The following SPP2 variants were observed in gnomAD, a reference collection of about 807,000 sequenced individuals.
SPP2 encodes the protein secreted phosphoprotein 24.
A neutral mutation model predicts 28.8 loss-of-function variants in SPP2; 34 were observed. The ratio of observed to expected loss-of-function variants is 1.18; its 90% CI spans 0.90 to 1.57. The LOEUF is 1.57. SPP2 is among the 40% of genes most tolerant of loss of function. The pLI, the probability that SPP2 is intolerant of heterozygous loss-of-function variation, is 0.00. For synonymous variants in SPP2, 96 were observed against 89.4 expected (o/e 1.07, Z -0.42); for missense variants, 269 against 263.9 (o/e 1.02, Z -0.13).
intron 2 of SPP2, chr2:234,056,108 A>G (rs1472607623): frequency 6.6e-6 from 1 of 152,208 alleles, no homozygotes; most frequent in Non-Finnish European, 1.5e-5. Context: ...GGCAAAATAA[A>G]CTACCATCAG....
chr2:234,067,091 G>A lies in SPP2; in HGVS notation c.500-133G>A, dbSNP rs79130736. On this transcript the variant is annotated intron_variant, in intron 5 of 7. Transcript: ENST00000168148. The stretch of plus-strand genomic sequence containing the variant: ...AGGCATTTTTCCTATTAGTGCTGAC[G>A]GCAATAAAACTCAATGGTGATCTCT... 9.9e-4 allele frequency: 851 copies of A among 856,988 alleles called. 6 individuals carry two copies. In the African/African-American group the frequency reaches 0.013, roughly 13 times the overall value. The allele number at this position is 856,988 out of a possible 1,614,324, so 53.1% of individuals were successfully genotyped here.
At chr2:234,072,953 T>C (rs1690825630) in intron 7 of SPP2, among the ~76,000 whole-genome samples, 4 of 152,226 alleles carry the variant, frequency 2.6e-5, no homozygotes, top group Admixed American at 2.6e-4. Flanking sequence ...AGTGGCACAA[T>C]CTCTGCTCAC....
At chr2:234,059,154 G>C (rs192787772) in intron 3 of SPP2, among the ~76,000 whole-genome samples, 196 bp downstream of exon 3, 1 of 152,284 alleles carries the variant, frequency 6.6e-6, no homozygotes, top group Admixed American at 6.5e-5. Flanking sequence ...CTGAGATCCT[G>C]AGTGATCCTG....
chr2:234,070,081 C>G (rs78390907), intron 7 of SPP2, 58 bp downstream of exon 7: 3 of 1,372,004 alleles, frequency 2.2e-6, no homozygotes, highest in African/African-American at 2.9e-5. Flanking sequence ...GTGGAGTGAA[C>G]GCCTTAAAAC....
chr2:234,055,111 A>T (rs550106475), intron 2 of SPP2, among the ~76,000 whole-genome samples: 1 of 151,648 alleles, frequency 6.6e-6, no homozygotes, highest in South Asian at 2.1e-4. Flanking sequence ...TATGACATGC[A>T]TACATATATA....
At chr2:234,076,060 T>C (rs1224115930) in intron 7 of SPP2, among the ~76,000 whole-genome samples, 1 of 152,174 alleles carries the variant, frequency 6.6e-6, no homozygotes, top group African/African-American at 2.4e-5. Context: ...TGTGTCTTGT[T>C]TCCCTCAAAG....
intron 4 of SPP2, among the ~76,000 whole-genome samples, chr2:234,063,913 C>A (rs76565823): frequency 0.012 from 1,757 of 152,174 alleles, 18 homozygotes; most frequent in Middle Eastern, 0.051. Context: ...GGAGGGGTGA[C>A]GGGCATTTAA....
At chr2:234,055,240 T>C (rs998330337) in intron 2 of SPP2, among the ~76,000 whole-genome samples, 11 of 152,320 alleles carry the variant, frequency 7.2e-5, no homozygotes, top group African/African-American at 2.6e-4. Flanking sequence ...GAAAATCTGA[T>C]GAGGTAGGCC....
At position 234,069,966 on chromosome 2, in the gene SPP2, T is replaced by C. The variant is rs762122267; in HGVS notation, c.589T>C (p.Tyr197His). The C allele has an allele frequency of 6.2e-6, 10 of 1,613,386 alleles. No homozygotes were observed. The South Asian group carries it at 6.6e-5, about 11-fold the overall frequency. ...GGTATTGCCTCCTGGAAACAGAAGG[T>C]ACCCAAACCACCGGCACAGAGCAAG... ...RRVLPPGNRR[Y>H]PNHRHRARIN... Residue 197 changes from tyrosine to histidine, a missense_variant, in exon 7 of 8, where the codon TAC becomes CAC. By Grantham distance (83) the Tyr-to-His change is moderately conservative. Transcript: ENST00000168148.
intron 2 of SPP2, among the ~76,000 whole-genome samples, chr2:234,055,292 A>C (rs1319380488): frequency 6.6e-6 from 1 of 152,252 alleles, no homozygotes; most frequent in Non-Finnish European, 1.5e-5. Context: ...TTTAAATCCA[A>C]AGGCAGTCTG....
intron 6 of SPP2, among the ~76,000 whole-genome samples, chr2:234,069,060 T>C (rs1376633812): frequency 6.6e-6 from 1 of 152,126 alleles, no homozygotes; most frequent in African/African-American, 2.4e-5. Flanking sequence ...CACATGTTGT[T>C]GGGAAGCCTC....
chr2:234,057,952 A>C (rs1057144349), intron 2 of SPP2, among the ~76,000 whole-genome samples: 2 of 152,224 alleles, frequency 1.3e-5, no homozygotes, highest in East Asian at 3.8e-4. Flanking sequence ...GTATAAAATC[A>C]CCACGAACAC....
chr2:234,059,646 G>T (rs1441240159), intron 3 of SPP2, among the ~76,000 whole-genome samples: 2 of 152,204 alleles, frequency 1.3e-5, no homozygotes, highest in Non-Finnish European at 2.9e-5. Flanking sequence ...TTACCTCCCA[G>T]ATCCAGGGCT....
At chr2:234,052,534 C>A (rs899145439) in intron 2 of SPP2, among the ~76,000 whole-genome samples, 1 of 152,170 alleles carries the variant, frequency 6.6e-6, no homozygotes, top group Admixed American at 6.5e-5. Context: ...TGAGGCACAG[C>A]CACCAGAGCG....
rs1261332583 is a variant in SPP2, at chr2:234,076,855, C to T, written c.*21C>T. ...TTCTTCCTCCTGCAGGTGTCCCTCGCCCTTTTGGTTTGTTCAAGGAGCTGC... is the reference window on the plus strand; with the variant it reads ...TTCTTCCTCCTGCAGGTGTCCCTCGTCCTTTTGGTTTGTTCAAGGAGCTGC... On this transcript the variant is annotated 3_prime_UTR_variant, in exon 8 of 8. Transcript: ENST00000168148. 2 of 152,250 alleles carry T rather than the reference C, an allele frequency of 1.3e-5. No individual in the cohort carries two copies. Among genetic ancestry groups the T allele is most frequent in the Admixed American group, 1.3e-4 (2 of 15,268 alleles). The allele number at this position is 152,250 out of a possible 1,614,324, so 9.4% of individuals were successfully genotyped here. A position where few individuals can be genotyped will look rare whatever the true frequency, so the allele number is the denominator to read the frequency against.
intron 2 of SPP2, among the ~76,000 whole-genome samples, chr2:234,057,400 G>T (rs1693630784): frequency 6.6e-6 from 1 of 152,188 alleles, no homozygotes; most frequent in Admixed American, 6.5e-5. Context: ...CTATTCACAG[G>T]ATGAGCTTCT....
intron 7 of SPP2, among the ~76,000 whole-genome samples, chr2:234,075,547 T>C: frequency 6.6e-6 from 1 of 152,164 alleles, no homozygotes. Context: ...CTCTGAGATT[T>C]GGTCCCCTCT....
At chr2:234,074,475 G>C (rs894409392) in intron 7 of SPP2, among the ~76,000 whole-genome samples, 2 of 152,106 alleles carry the variant, frequency 1.3e-5, no homozygotes, top group South Asian at 4.2e-4. Flanking sequence ...CTACTGAAGA[G>C]AGCCAGATGC....
At chr2:234,057,465 C>A (rs188380189) in intron 2 of SPP2, among the ~76,000 whole-genome samples, 1 of 152,198 alleles carries the variant, frequency 6.6e-6, no homozygotes, top group Non-Finnish European at 1.5e-5. Flanking sequence ...ATTTTTCTGG[C>A]ATTTTCTCTA....
Sources: gnomAD v4.1 joint callset for allele counts (sites outside exome capture counted in the v4.1 genomes callset) on GRCh38, gnomAD v4.1.1 for gene constraint, MANE v1.5 for transcripts, NCBI Gene and HGNC (gene_info 2026-07-23, HGNC 2026-07-21) for gene names.